Variants in MDFIC2 observed in about 807,000 individuals in gnomAD.
The protein encoded by MDFIC2 is myoD family inhibitor domain-containing protein 2.
intron 2 of MDFIC2, among the ~76,000 whole-genome samples, chr3:70,228,631 C>CTT (rs199862446): frequency 3.9e-5 from 5 of 126,974 alleles, no homozygotes; most frequent in East Asian, 4.5e-4. Flanking sequence ...AGTTTTCTTA[C>CTT]TTTTTTTTTT....
chr3:70,217,561 T>G (rs993593590), intron 2 of MDFIC2, among the ~76,000 whole-genome samples: 1 of 152,166 alleles, frequency 6.6e-6, no homozygotes, highest in African/African-American at 2.4e-5. Context: ...AAAGGAACTT[T>G]GATTTAAGTG....
Position 70,227,017 on chromosome 3 carries a change from A to G in MDFIC2, c.89-20227T>C, listed in dbSNP as rs546005479. 9.8e-5 allele frequency among the ~76,000 whole-genome samples: 15 copies of G among 152,310 alleles called. No homozygotes were observed. The East Asian group carries it at 1.7e-3, about 18-fold the overall frequency. On this transcript the variant is annotated intron_variant, in intron 2 of 3. Transcript: ENST00000567252. The stretch of plus-strand genomic sequence containing the variant: ...GACAGGGGATGGACCTCGAAAAAAT[A>G]CATGCATCTTTTTCCTGGGAAAATA...
chr3:70,227,061 G>A (rs757228658), intron 2 of MDFIC2, among the ~76,000 whole-genome samples: 2 of 152,114 alleles, frequency 1.3e-5, no homozygotes, highest in African/African-American at 4.8e-5. Flanking sequence ...GCAGACATAT[G>A]ATATAGATTC....
At chr3:70,211,177 C>T (rs993609184) in intron 2 of MDFIC2, among the ~76,000 whole-genome samples, 1 of 151,802 alleles carries the variant, frequency 6.6e-6, no homozygotes, top group African/African-American at 2.4e-5. Context: ...TTTCCTTTCC[C>T]TTCTTTTTTC....
chr3:70,304,713 T>C (rs1702383451), intron 2 of MDFIC2, among the ~76,000 whole-genome samples: 1 of 152,232 alleles, frequency 6.6e-6, no homozygotes, highest in Non-Finnish European at 1.5e-5. Flanking sequence ...AATACTCTCC[T>C]ACTTTATTTC....
chr3:70,306,415 A>G (rs1702401049), intron 2 of MDFIC2, among the ~76,000 whole-genome samples: 1 of 152,154 alleles, frequency 6.6e-6, no homozygotes, highest in Non-Finnish European at 1.5e-5. Context: ...CCGGCCAATA[A>G]TCGTTTTTAT....
intron 2 of MDFIC2, among the ~76,000 whole-genome samples, chr3:70,260,465 C>T (rs1371349406): frequency 6.6e-6 from 1 of 151,998 alleles, no homozygotes; most frequent in Non-Finnish European, 1.5e-5. Flanking sequence ...TTTTTTACAT[C>T]CCCTCAGTTC....
At chr3:70,312,107 A>G in intron 1 of MDFIC2, 134 bp from the exon 2 acceptor site, 1 of 388,764 alleles carries the variant, frequency 2.6e-6, no homozygotes, top group African/African-American at 2.1e-5. Context: ...TCACTGTCCA[A>G]TGTTAAGTCT....
In MDFIC2 at chr3:70,247,340, A is replaced by G. The variant is rs545356769; in HGVS notation, c.89-40550T>C. Among the ~76,000 whole-genome samples the G allele has an allele frequency of 3.9e-5, 6 of 152,118 alleles. No homozygotes were observed. The South Asian group carries it at 1.2e-3, about 32-fold the overall frequency. ...GGCAGTATTTCTTACAAGGATGAAA[A>G]CAGAGGAGTTCTGAATGGTTAATGC... On this transcript the variant is annotated intron_variant, in intron 2 of 3. Coordinates refer to ENST00000567252, the MANE Select transcript of MDFIC2 (RefSeq NM_001364677.1).
intron 2 of MDFIC2, among the ~76,000 whole-genome samples, chr3:70,221,433 G>A (rs898381916): frequency 6.6e-6 from 1 of 152,144 alleles, no homozygotes; most frequent in Non-Finnish European, 1.5e-5. Flanking sequence ...AACTGGTAAA[G>A]ATTAGGAGGA....
At chr3:70,246,705 C>T (rs904822187) in intron 2 of MDFIC2, among the ~76,000 whole-genome samples, 2 of 151,952 alleles carry the variant, frequency 1.3e-5, no homozygotes, top group Non-Finnish European at 2.9e-5. Flanking sequence ...TATGGGCACT[C>T]TATATTTAAT....
intron 2 of MDFIC2, among the ~76,000 whole-genome samples, chr3:70,285,889 A>G (rs1575615682): frequency 6.6e-6 from 1 of 151,586 alleles, no homozygotes; most frequent in South Asian, 2.1e-4. Context: ...TCCTTCGCCC[A>G]CTTTTTGATG....
chr3:70,267,667 C>T (rs1268873741), intron 2 of MDFIC2, among the ~76,000 whole-genome samples: 1 of 150,972 alleles, frequency 6.6e-6, no homozygotes, highest in African/African-American at 2.4e-5. Context: ...CCGCCTGCCT[C>T]GGCCTCCCAG....
intron 2 of MDFIC2, among the ~76,000 whole-genome samples, chr3:70,253,329 G>A (rs1460796070): frequency 9.2e-5 from 14 of 152,240 alleles, no homozygotes; most frequent in East Asian, 7.7e-4. Context: ...CAGAGGCAGG[G>A]GTGTGCATGG....
chr3:70,272,114 CCA>C (rs1198051812), intron 2 of MDFIC2: 1 of 152,120 alleles, frequency 6.6e-6, no homozygotes, highest in Non-Finnish European at 1.5e-5. Flanking sequence ...TATCACATGC[CCA>C]GAGTTGCTCA....
At chr3:70,289,793 G>T (rs1401625460) in intron 2 of MDFIC2, among the ~76,000 whole-genome samples, 1 of 150,838 alleles carries the variant, frequency 6.6e-6, no homozygotes, top group Non-Finnish European at 1.5e-5. Flanking sequence ...TTTCCTTCTC[G>T]CTTCATTTCA....
intron 2 of MDFIC2, among the ~76,000 whole-genome samples, chr3:70,305,112 A>G (rs1028447843): frequency 6.6e-6 from 1 of 152,180 alleles, no homozygotes; most frequent in Non-Finnish European, 1.5e-5. Context: ...GCCAATCTCT[A>G]TCACAACATC....
At chr3:70,246,381 A>G (rs1701708621) in intron 2 of MDFIC2, among the ~76,000 whole-genome samples, 1 of 152,110 alleles carries the variant, frequency 6.6e-6, no homozygotes, top group Non-Finnish European at 1.5e-5. Flanking sequence ...TTGTAAACAC[A>G]AGACCAAGTA....
intron 2 of MDFIC2, among the ~76,000 whole-genome samples, chr3:70,209,343 A>G (rs1157180384): frequency 6.6e-6 from 1 of 152,224 alleles, no homozygotes; most frequent in East Asian, 1.9e-4. Flanking sequence ...CTTGTGGGAC[A>G]AAATCACTGT....
Sources: gnomAD v4.1 joint callset for allele counts (sites outside exome capture counted in the v4.1 genomes callset) on GRCh38, gnomAD v4.1.1 for gene constraint, MANE v1.5 for transcripts, NCBI Gene and HGNC (gene_info 2026-07-23, HGNC 2026-07-21) for gene names.